PYGB: variants seen among roughly 807,000 people sequenced by gnomAD.
PYGB encodes the protein glycogen phosphorylase B, also known as glycogen phosphorylase, brain form.
Under a neutral mutation model 94.3 loss-of-function variants are expected in PYGB, and 82 were observed. The ratio of observed to expected loss-of-function variants is 0.87; its 90% confidence interval spans 0.73 to 1.04. PYGB has a LOEUF of 1.04. PYGB is among the 50% of genes least tolerant of loss of function. PYGB has a pLI of 0.00. For synonymous variants in PYGB, 488 were observed against 479.1 expected (o/e 1.02, Z -0.24); for missense variants, 1,132 against 1,158.2 (o/e 0.98, Z 0.33).
Position 25,282,076 on chromosome 20 carries a change from A to T in PYGB, c.1447A>T (p.Lys483Ter). The change falls in exon 12 of 20, where the codon AAG becomes TAG. Residue 483 changes from lysine to a stop codon, truncating the protein, a stop_gained. Transcript: ENST00000216962. LOFTEE classifies it high-confidence loss of function. ...YELEPEKFQN[K>*]TNGITPRRWL... ...ACTGGAGCCAGAGAAGTTCCAGAAT[A>T]AGACCAATGGCATCACCCCCCGCCG... The T allele has an allele frequency of 6.2e-7, 1 of 1,613,992 alleles. No individual in the cohort carries two copies. The highest frequency in any genetic ancestry group is 8.5e-7 in the Non-Finnish European group (1 of 1,179,970).
chr20:25,281,895 T>A, intron 11 of PYGB, 138 bp from the exon 12 acceptor site: 1 of 706,244 alleles, frequency 1.4e-6, no homozygotes, highest in Non-Finnish European at 2.4e-6. Context: ...CCGCGGTCAC[T>A]CTGTTCTCCT....
At chr20:25,261,105 G>A (rs2092912505) in intron 2 of PYGB, among the ~76,000 whole-genome samples, 1 of 152,228 alleles carries the variant, frequency 6.6e-6, no homozygotes, top group Non-Finnish European at 1.5e-5. Flanking sequence ...AAATGTCTCT[G>A]TGTGACATCT....
intron 1 of PYGB, among the ~76,000 whole-genome samples, chr20:25,252,328 T>A (rs1054753466): frequency 6.6e-6 from 1 of 152,198 alleles, no homozygotes; most frequent in African/African-American, 2.4e-5. Flanking sequence ...TCAACTTGGC[T>A]GTTGTGCCTA....
In PYGB at chr20:25,294,245, G is replaced by C. The variant is rs200538527; in HGVS notation, c.2265G>C (p.Glu755Asp). 1 of 1,466,146 alleles carries C rather than the reference G, an allele frequency of 6.8e-7. No homozygotes were observed. Among genetic ancestry groups the C allele is most frequent in the Non-Finnish European group, 9.2e-7 (1 of 1,086,842 alleles). The allele number at this position is 1,466,146 out of a possible 1,614,324, so 90.8% of individuals were successfully genotyped here. A position where few individuals can be genotyped will look rare whatever the true frequency, so the allele number is the denominator to read the frequency against. The change falls in exon 18 of 20, where the codon GAG (glutamate) becomes GAC (aspartate). Residue 755 changes from glutamate to aspartate, a missense_variant. Physicochemically the swap from Glu to Asp is conservative, Grantham distance 45 (BLOSUM62 2). Coordinates refer to ENST00000216962, the MANE Select transcript of PYGB (RefSeq NM_002862.4). ...GCAGTGGCTTTTTTTCTCCCAAGGAGCCAGACTGCTTCAAGGACATCGTGA... is the reference window on the plus strand; with the variant it reads ...GCAGTGGCTTTTTTTCTCCCAAGGACCCAGACTGCTTCAAGGACATCGTGA... Reference protein sequence around the residue: ...QISSGFFSPKEPDCFKDIVNM... With the variant: ...QISSGFFSPKDPDCFKDIVNM...
In PYGB at chr20:25,295,594, C is replaced by T; in HGVS notation, c.2313-10C>T. The T allele has an allele frequency of 1.2e-6, 2 of 1,613,342 alleles. No individual in the cohort carries two copies. Among genetic ancestry groups the T allele is most frequent in the Non-Finnish European group, 1.7e-6 (2 of 1,179,444 alleles). ...GCTGCCCTGGCCCAGCCTCCTTTCTCCCATTCCAGGTTCAAGGTGTTTGCA... is the reference window on the plus strand; with the variant it reads ...GCTGCCCTGGCCCAGCCTCCTTTCTTCCATTCCAGGTTCAAGGTGTTTGCA... On this transcript the variant is annotated splice_polypyrimidine_tract_variant and intron_variant, in intron 18 of 19. Coordinates refer to ENST00000216962, the MANE Select transcript of PYGB (RefSeq NM_002862.4).
In PYGB at chr20:25,280,849, T is replaced by C. The variant is rs2123572712; in HGVS notation, c.1240-100T>C. 9 of 1,444,308 alleles carry C rather than the reference T, an allele frequency of 6.2e-6. No homozygotes were observed. In the South Asian group the frequency reaches 1.2e-4, roughly 19 times the overall value. The allele number at this position is 1,444,308 out of a possible 1,614,324, so 89.5% of individuals were successfully genotyped here. A position where few individuals can be genotyped will look rare whatever the true frequency, so the allele number is the denominator to read the frequency against. ...AGAACTTCCCTGGAGGCAGCAGAGC[T>C]TCCCATGGGTGGTCATGGAGTGTCC... is the stretch of plus-strand genomic sequence containing the variant. On this transcript the variant is annotated intron_variant, in intron 10 of 19. Transcript: ENST00000216962.
chr20:25,276,609 T>C, intron 5 of PYGB, 37 bp from the exon 6 acceptor site: 1 of 1,578,480 alleles, frequency 6.3e-7, no homozygotes. Flanking sequence ...GCGGGGGCCC[T>C]TGCCACTCCG....
chr20:25,296,556 T>C lies in PYGB; in HGVS notation c.*34T>C. 6.3e-7 allele frequency: 1 copy of C among 1,587,282 alleles called. No homozygotes were observed. The highest frequency in any genetic ancestry group is 8.6e-7 in the Non-Finnish European group (1 of 1,166,864). ...TGCCTTGGCGGGACCAGCGGGCATT[T>C]GTTTTCTTGCTGACTTTGCACCTCC... is the stretch of plus-strand genomic sequence containing the variant. On this transcript the variant is annotated 3_prime_UTR_variant, in exon 20 of 20. Coordinates refer to ENST00000216962, the MANE Select transcript of PYGB (RefSeq NM_002862.4).
chr20:25,273,339 A>C (rs1256588055), intron 4 of PYGB, among the ~76,000 whole-genome samples: 1 of 152,080 alleles, frequency 6.6e-6, no homozygotes, highest in Admixed American at 6.5e-5. Flanking sequence ...TGGGAGTACC[A>C]TGGGGAGGTG....
chr20:25,262,120 T>C (rs1443204320), intron 2 of PYGB, among the ~76,000 whole-genome samples: 1 of 151,946 alleles, frequency 6.6e-6, no homozygotes, highest in Non-Finnish European at 1.5e-5. Flanking sequence ...ATACAGGAAA[T>C]ACAGAAAACG....
rs758339184 is a variant in PYGB at position 25,296,458 on chromosome 20, G to C, written c.2468G>C (p.Arg823Pro). The C allele has an allele frequency of 1.8e-5, 29 of 1,613,924 alleles. No homozygotes were observed. Among genetic ancestry groups the C allele is most frequent in the Non-Finnish European group, 2.5e-5 (29 of 1,180,014 alleles). ...GACCGGACCATCACGGAGTATGCACGGGAGATCTGGGGTGTGGAGCCCTCC... is the reference window on the plus strand; with the variant it reads ...GACCGGACCATCACGGAGTATGCACCGGAGATCTGGGGTGTGGAGCCCTCC... Reference protein sequence around the residue: ...SSDRTITEYAREIWGVEPSDL... With the variant: ...SSDRTITEYAPEIWGVEPSDL... The change falls in exon 20 of 20, where the codon CGG (arginine) becomes CCG (proline). Residue 823 changes from arginine to proline, a missense_variant. Arg to Pro is a moderately radical substitution (Grantham distance 103). Transcript: ENST00000216962.
chr20:25,292,742 G>A, intron 17 of PYGB, 129 bp downstream of exon 17: 9 of 1,228,680 alleles, frequency 7.3e-6, no homozygotes, highest in Non-Finnish European at 1.0e-5. Flanking sequence ...GCCCACCCAG[G>A]GCTGTGTGCC....
At chr20:25,259,119 G>A (rs2092908199) in intron 1 of PYGB, 118 bp from the exon 2 acceptor site, 1 of 914,624 alleles carries the variant, frequency 1.1e-6, no homozygotes, top group Non-Finnish European at 1.7e-6. Flanking sequence ...TTTGTGCATG[G>A]GGTTGACATA....
chr20:25,276,775 T>G lies in PYGB; in HGVS notation c.772+18T>G, dbSNP rs1568691427. 6.2e-7 allele frequency: 1 copy of G among 1,606,486 alleles called. No homozygotes were observed. The highest frequency in any genetic ancestry group is 8.5e-7 in the Non-Finnish European group (1 of 1,173,716). ...GCAGGACTGTACGTTCCGTGGTTCT[T>G]GGCACCCTTGTGTCCATGTGGGTGG... is the stretch of plus-strand genomic sequence containing the variant. On this transcript the variant is annotated intron_variant, in intron 6 of 19. Coordinates refer to ENST00000216962, the MANE Select transcript of PYGB (RefSeq NM_002862.4).
At position 25,286,449 on chromosome 20, in the gene PYGB, C is replaced by T. The variant is rs534874240; in HGVS notation, c.1769-1976C>T. Among the ~76,000 whole-genome samples, 74 of 152,254 alleles carry T rather than the reference C, an allele frequency of 4.9e-4. 1 individual carries two copies. The highest frequency in any genetic ancestry group is 1.7e-3 in the African/African-American group (70 of 41,550). On this transcript the variant is annotated intron_variant, in intron 14 of 19. Transcript: ENST00000216962. ...CTTGGCATTTGGCTCCATGTCTTTCCAAGTTGGTGGTCACCAAGGGTATGT... is the reference window on the plus strand; with the variant it reads ...CTTGGCATTTGGCTCCATGTCTTTCTAAGTTGGTGGTCACCAAGGGTATGT...
At chr20:25,248,558 C>T (rs1284163937) in intron 1 of PYGB, 137 bp downstream of exon 1, 1 of 1,143,948 alleles carries the variant, frequency 8.7e-7, no homozygotes, top group Non-Finnish European at 1.1e-6. Flanking sequence ...CAGGCACAGC[C>T]GACTGGGGAG....
rs1555806051 is a variant in PYGB at position 25,268,171 on chromosome 20, C to CA, written c.346-957dup. Among the ~76,000 whole-genome samples the CA allele has an allele frequency of 5.8e-5, 7 of 121,600 alleles. 1 individual carries two copies. Among genetic ancestry groups the CA allele is most frequent in the Non-Finnish European group, 1.2e-4 (7 of 58,242 alleles). The allele number at this position is 121,600 out of a possible 152,430, so 79.8% of individuals were successfully genotyped here. A position where few individuals can be genotyped will look rare whatever the true frequency, so the allele number is the denominator to read the frequency against. On this transcript the variant is annotated intron_variant, in intron 2 of 19. Transcript: ENST00000216962. ...TAAATCCTAGCACCCGCCCCCCCCC[C>CA]ATATCCAAAATATTGTTGGTGGAAT...
intron 2 of PYGB, among the ~76,000 whole-genome samples, chr20:25,260,644 A>G (rs1453720961): frequency 6.6e-6 from 1 of 152,190 alleles, no homozygotes; most frequent in Non-Finnish European, 1.5e-5. Context: ...GGTGTAGCCC[A>G]CCGAGCGTGA....
intron 4 of PYGB, among the ~76,000 whole-genome samples, chr20:25,274,121 A>G (rs1337565056): frequency 6.6e-6 from 1 of 152,218 alleles, no homozygotes; most frequent in Non-Finnish European, 1.5e-5. Context: ...CCCACTGTCT[A>G]TCTTGAGAAC....
Sources: allele counts gnomAD v4.1 joint callset (sites outside exome capture counted in the v4.1 genomes callset), GRCh38; gene constraint gnomAD v4.1.1; transcripts MANE v1.5; gene names NCBI Gene and HGNC (gene_info 2026-07-23, HGNC 2026-07-21).